The following RGS7 variants were observed in gnomAD, a reference collection of about 807,000 sequenced individuals.
RGS7 encodes the protein regulator of G protein signaling 7.
RGS7 carries 27 observed loss-of-function variants against 81.1 expected under a neutral mutation model. The observed-to-expected ratio is 0.33, with a 90% CI of 0.25 to 0.46. The LOEUF is 0.46. Among genes scored for constraint, RGS7 ranks in the 20% least tolerant of loss-of-function variants. The pLI is 1.00. For missense variants in RGS7, 396 were observed against 607.4 expected, an observed-to-expected ratio of 0.65 and a Z score of 3.66; for synonymous variants, 208 against 207.7, an observed-to-expected ratio of 1.00 and a Z score of -0.01.
chr1:241,351,749 G>C (rs1466782025), intron 2 of RGS7, among the ~76,000 whole-genome samples: 1 of 152,092 alleles, frequency 6.6e-6, no homozygotes, highest in African/African-American at 2.4e-5. Flanking sequence ...TGAGGGGAAG[G>C]GGGAGAGGGG....
chr1:241,318,704 G>A (rs376042097), intron 2 of RGS7, among the ~76,000 whole-genome samples: 3 of 152,200 alleles, frequency 2.0e-5, no homozygotes, highest in East Asian at 1.9e-4. Context: ...TCGAACTCCC[G>A]ACCTCAGGTG....
Position 241,355,817 on chromosome 1 carries a change from T to C in RGS7, c.-41A>G. On this transcript the variant is annotated 5_prime_UTR_variant, in exon 2 of 19. Transcript: ENST00000440928. ...GTCCACTCTCAAGATACAAGAATTA[T>C]CAGTGTGCCCTGCAAAGGGTCAGAG... 1 of 1,551,060 alleles carries C rather than the reference T, an allele frequency of 6.4e-7. No individual in the cohort carries two copies. Among genetic ancestry groups the C allele is most frequent in the Non-Finnish European group, 8.9e-7 (1 of 1,122,452 alleles).
chr1:241,012,336 G>A (rs1287411009), intron 3 of RGS7, among the ~76,000 whole-genome samples: 10 of 152,124 alleles, frequency 6.6e-5, no homozygotes, highest in East Asian at 1.9e-4. Flanking sequence ...GCAAAGGCAC[G>A]AGGGCACACA....
intron 2 of RGS7, among the ~76,000 whole-genome samples, chr1:241,167,538 G>C (rs889120404): frequency 9.5e-5 from 14 of 147,120 alleles, no homozygotes; most frequent in African/African-American, 3.3e-4. Context: ...TTTTTTTCTT[G>C]AGACGAGTCT....
intron 18 of RGS7, among the ~76,000 whole-genome samples, chr1:240,797,486 G>A (rs12026111): frequency 0.53 from 80,373 of 151,918 alleles, 23,615 homozygotes; most frequent in Non-Finnish European, 0.66. Context: ...CAAGTAGCTG[G>A]GATTACAGGT....
At chr1:241,085,467 C>T (rs1255238650) in intron 3 of RGS7, among the ~76,000 whole-genome samples, 1 of 152,132 alleles carries the variant, frequency 6.6e-6, no homozygotes, top group Non-Finnish European at 1.5e-5. Context: ...CTCTGTCATC[C>T]AGACTGGACT....
At position 240,973,691 on chromosome 1, in the gene RGS7, G is replaced by A. The variant is rs141806136; in HGVS notation, c.226+9388C>T. ...TGCAAGCTCCGCCTTCTGGGTTCAC[G>A]CCATTCTCCTGCCTCAGCCTCCTGA... On this transcript the variant is annotated intron_variant, in intron 4 of 18. Transcript: ENST00000440928. 6.4e-3 allele frequency among the ~76,000 whole-genome samples: 977 copies of A among 151,574 alleles called. 13 individuals are homozygous for A. Among genetic ancestry groups the A allele is most frequent in the African/African-American group, 0.022 (931 of 41,388 alleles).
chr1:241,238,051 C>G (rs1330136844), intron 2 of RGS7, among the ~76,000 whole-genome samples: 1 of 152,174 alleles, frequency 6.6e-6, no homozygotes, highest in Non-Finnish European at 1.5e-5. Flanking sequence ...CTGCTCCTCT[C>G]TCGTAAGAAT....
At chr1:240,861,445 C>T (rs1662177316) in intron 9 of RGS7, among the ~76,000 whole-genome samples, 1 of 152,110 alleles carries the variant, frequency 6.6e-6, no homozygotes, top group Admixed American at 6.5e-5. Context: ...ATTTTCTATC[C>T]AGTGATTGCC....
At chr1:240,931,444 T>C (rs1675422761) in intron 5 of RGS7, among the ~76,000 whole-genome samples, 1 of 152,192 alleles carries the variant, frequency 6.6e-6, no homozygotes, top group African/African-American at 2.4e-5. Context: ...CTGGATTGTT[T>C]GTAACACAAA....
intron 2 of RGS7, among the ~76,000 whole-genome samples, chr1:241,327,098 GAAAGAA>G (rs2081601906): frequency 1.3e-5 from 1 of 78,530 alleles, no homozygotes; most frequent in African/African-American, 5.1e-5. Flanking sequence ...AAGAAAGAAA[GAAAGAA>G]AGAAAGAAAG....
chr1:241,113,393 T>C (rs1045630933), intron 2 of RGS7, among the ~76,000 whole-genome samples: 1 of 152,204 alleles, frequency 6.6e-6, no homozygotes, highest in African/African-American at 2.4e-5. Flanking sequence ...TAGAGACACC[T>C]AGGTAGTTTG....
chr1:241,245,415 G>A (rs2076472646), intron 2 of RGS7, among the ~76,000 whole-genome samples: 2 of 151,638 alleles, frequency 1.3e-5, no homozygotes, highest in South Asian at 4.2e-4. Flanking sequence ...ATGATTGTAA[G>A]TTTTGGTGAT....
At chr1:240,806,372 C>T (rs1688845427) in intron 14 of RGS7, 46 bp from the exon 15 acceptor site, 1 of 1,580,622 alleles carries the variant, frequency 6.3e-7, no homozygotes, top group Non-Finnish European at 8.7e-7. Flanking sequence ...GGCCCATCAT[C>T]TGAAAATTCT....
intron 2 of RGS7, among the ~76,000 whole-genome samples, chr1:241,281,050 TA>T (rs999347460): frequency 1.4e-4 from 21 of 150,804 alleles, no homozygotes; most frequent in South Asian, 6.3e-4. Context: ...TCTAGAAATA[TA>T]AAAAAAAATA....
intron 6 of RGS7, among the ~76,000 whole-genome samples, chr1:240,921,430 T>C (rs1345828584): frequency 1.3e-5 from 2 of 151,724 alleles, no homozygotes; most frequent in African/African-American, 2.4e-5. Flanking sequence ...TCCTAGGTAA[T>C]GGAATAAGAC....
At chr1:240,822,301 GA>G (rs895421263) in intron 10 of RGS7, among the ~76,000 whole-genome samples, 1 of 152,108 alleles carries the variant, frequency 6.6e-6, no homozygotes, top group Non-Finnish European at 1.5e-5. Flanking sequence ...AAGATGTACA[GA>G]TTTGAAAAAC....
At chr1:241,085,888 C>T (rs2063406159) in intron 3 of RGS7, among the ~76,000 whole-genome samples, 1 of 152,198 alleles carries the variant, frequency 6.6e-6, no homozygotes, top group South Asian at 2.1e-4. Flanking sequence ...CAAGACATAG[C>T]ACAATGGGAT....
At chr1:241,171,931 T>A (rs1029092815) in intron 2 of RGS7, among the ~76,000 whole-genome samples, 3 of 152,252 alleles carry the variant, frequency 2.0e-5, no homozygotes, top group Admixed American at 6.5e-5. Context: ...CTTTCTTCAA[T>A]GGGCTGTTTG....
Sources: allele counts gnomAD v4.1 joint callset (sites outside exome capture counted in the v4.1 genomes callset), GRCh38; gene constraint gnomAD v4.1.1; transcripts MANE v1.5; gene names NCBI Gene and HGNC (gene_info 2026-07-23, HGNC 2026-07-21).